The following COP1 variants were observed in gnomAD, a reference collection of about 807,000 sequenced individuals.
The protein encoded by COP1 is COP1 E3 ubiquitin ligase, also known as E3 ubiquitin-protein ligase COP1.
A neutral mutation model predicts 101.3 loss-of-function variants in COP1; 24 were observed. The ratio of observed to expected loss-of-function variants is 0.24; its 90% CI spans 0.17 to 0.33. COP1 has a LOEUF of 0.33. COP1 is among the 10% of genes least tolerant of loss of function. The pLI, the probability that COP1 is intolerant of heterozygous loss-of-function variation, is 1.00. For synonymous variants in COP1, 347 were observed against 341.9 expected (o/e 1.01, Z -0.17); for missense variants, 663 against 906.2 (o/e 0.73, Z 3.45).
intron 5 of COP1, among the ~76,000 whole-genome samples, chr1:176,154,323 A>G (rs1190189920): frequency 6.6e-6 from 1 of 152,202 alleles, no homozygotes; most frequent in Non-Finnish European, 1.5e-5. Flanking sequence ...CTTGCATTAT[A>G]AAGACATATG....
At chr1:176,171,168 C>T (rs371791998) in intron 3 of COP1, among the ~76,000 whole-genome samples, 1 of 149,100 alleles carries the variant, frequency 6.7e-6, no homozygotes, top group South Asian at 2.2e-4. Context: ...TATATCTACA[C>T]TGAAAATCTG....
At chr1:176,188,705 GCCAC>G (rs775769850) in intron 1 of COP1, among the ~76,000 whole-genome samples, 64 of 151,992 alleles carry the variant, frequency 4.2e-4, no homozygotes, top group Non-Finnish European at 6.6e-4. Flanking sequence ...GTTTTGGGGA[GCCAC>G]AAATTGCACC....
chr1:176,043,319 G>C (rs776794529), intron 13 of COP1, 52 bp from the exon 14 acceptor site: 1 of 1,082,360 alleles, frequency 9.2e-7, no homozygotes, highest in South Asian at 1.4e-5. Context: ...ATCTCAAAAT[G>C]AATAAAGCAA....
At chr1:176,176,500 G>A (rs1381750193) in intron 2 of COP1, among the ~76,000 whole-genome samples, 1 of 152,136 alleles carries the variant, frequency 6.6e-6, no homozygotes, top group Non-Finnish European at 1.5e-5. Context: ...TTATATACTA[G>A]ATTTTACCAA....
chr1:175,982,416 C>G (rs1357605032), intron 18 of COP1: 1 of 456,268 alleles, frequency 2.2e-6, no homozygotes, highest in Non-Finnish European at 4.4e-6. Context: ...AAAGACCAAC[C>G]CCACTTCTTT....
intron 4 of COP1, 150 bp from the exon 5 acceptor site, chr1:176,163,138 T>G (rs981302427): frequency 1.0e-4 from 59 of 589,818 alleles, no homozygotes; most frequent in Non-Finnish European, 1.4e-4. Context: ...TCCTAGCTAG[T>G]GGCTCCCTAC....
chr1:176,132,162 G>C (rs754494031), intron 8 of COP1, among the ~76,000 whole-genome samples: 3 of 151,508 alleles, frequency 2.0e-5, no homozygotes, highest in Non-Finnish European at 3.0e-5. Flanking sequence ...AATGTCAAGG[G>C]GTTGAGAGGG....
chr1:175,974,462 A>G (rs1177289005), intron 18 of COP1, among the ~76,000 whole-genome samples: 2 of 152,222 alleles, frequency 1.3e-5, no homozygotes, highest in African/African-American at 2.4e-5. Flanking sequence ...ACAGGCATTC[A>G]GGGAAAAACA....
intron 2 of COP1, among the ~76,000 whole-genome samples, chr1:176,177,110 C>T (rs1697062911): frequency 6.6e-6 from 1 of 151,774 alleles, no homozygotes; most frequent in Admixed American, 6.6e-5. Flanking sequence ...AACATCAATC[C>T]AATGCAATGC....
intron 9 of COP1, among the ~76,000 whole-genome samples, chr1:176,090,546 C>T (rs1681083413): frequency 6.6e-6 from 1 of 151,926 alleles, no homozygotes; most frequent in South Asian, 2.1e-4. Flanking sequence ...TAATGATAAA[C>T]AAAATATAAC....
chr1:176,149,052 T>C lies in COP1; in HGVS notation c.785A>G (p.Gln262Arg). The change falls in exon 6 of 20, where the codon CAG becomes CGG. Residue 262 changes from glutamine to arginine, a missense_variant. Coordinates refer to ENST00000367669, the MANE Select transcript of COP1 (RefSeq NM_022457.7). ...LEAESHAAQLQILMEFLKVAR... is the reference protein window; with the variant it reads ...LEAESHAAQLRILMEFLKVAR... Reference sequence around the variant, plus strand: ...AACCTTGAGGAATTCCATAAGAATCTGTAGTTGGGCTGCATGTGATTCCTA... The same window carrying C: ...AACCTTGAGGAATTCCATAAGAATCCGTAGTTGGGCTGCATGTGATTCCTA... 1 of 1,588,984 alleles carries C rather than the reference T, an allele frequency of 6.3e-7. No homozygotes were observed. Among genetic ancestry groups the C allele is most frequent in the Non-Finnish European group, 8.6e-7 (1 of 1,163,842 alleles).
intron 9 of COP1, among the ~76,000 whole-genome samples, chr1:176,086,858 A>C (rs934708293): frequency 6.6e-6 from 1 of 152,182 alleles, no homozygotes; most frequent in Non-Finnish European, 1.5e-5. Context: ...ACTTCAAACT[A>C]TACTACAAGG....
intron 15 of COP1, among the ~76,000 whole-genome samples, chr1:176,021,902 C>T (rs1666809131): frequency 6.6e-6 from 1 of 152,188 alleles, no homozygotes; most frequent in South Asian, 2.1e-4. Context: ...ATTTCTCTAG[C>T]TGACAGATTC....
chr1:176,042,727 T>C (rs1315101612), intron 14 of COP1, among the ~76,000 whole-genome samples: 2 of 63,952 alleles, frequency 3.1e-5, no homozygotes. Flanking sequence ...TGAAACTCTA[T>C]CTCAAAAAAA....
At chr1:176,096,498 C>A (rs891310833) in intron 9 of COP1, among the ~76,000 whole-genome samples, 1 of 152,198 alleles carries the variant, frequency 6.6e-6, no homozygotes, top group Non-Finnish European at 1.5e-5. Flanking sequence ...GGCCCCAAGG[C>A]GGCCTCAGGG....
At chr1:176,008,318 C>T (rs1335413248) in intron 15 of COP1, among the ~76,000 whole-genome samples, 1 of 152,194 alleles carries the variant, frequency 6.6e-6, no homozygotes, top group African/African-American at 2.4e-5. Context: ...GTTGCTCATG[C>T]TGGGAGCTGT....
intron 18 of COP1, among the ~76,000 whole-genome samples, chr1:175,969,355 TCTC>T (rs1253489872): frequency 6.6e-6 from 1 of 152,022 alleles, no homozygotes. Flanking sequence ...CTCCCACACT[TCTC>T]CTCTGAAGCA....
chr1:176,121,439 CAAT>C (rs976984436), intron 8 of COP1, among the ~76,000 whole-genome samples: 10 of 152,102 alleles, frequency 6.6e-5, no homozygotes, highest in Non-Finnish European at 1.5e-4. Context: ...CTGTCAACAA[CAAT>C]AACAGCAGCA....
In COP1 at chr1:176,195,928, G is replaced by A. The variant is rs77764551; in HGVS notation, c.407+10644C>T. Among the ~76,000 whole-genome samples the A allele has an allele frequency of 2.9e-3, 446 of 152,276 alleles. 1 individual carries two copies. Among genetic ancestry groups the A allele is most frequent in the Non-Finnish European group, 4.8e-3 (327 of 68,026 alleles). ...TAGGAGCTGAAAAACTGCCTGTTGC[G>A]TACTATGTCCACTACTTGGGTGACA... is the stretch of plus-strand genomic sequence containing the variant. On this transcript the variant is annotated intron_variant, in intron 1 of 19. Transcript: ENST00000367669.
Sources: gnomAD v4.1 joint callset for allele counts (sites outside exome capture counted in the v4.1 genomes callset) on GRCh38, gnomAD v4.1.1 for gene constraint, MANE v1.5 for transcripts, NCBI Gene and HGNC (gene_info 2026-07-23, HGNC 2026-07-21) for gene names.